The following ZNF782 variants were observed in gnomAD, a reference collection of about 807,000 sequenced individuals.
The protein encoded by ZNF782 is zinc finger protein 782.
A neutral mutation model predicts 13.0 loss-of-function variants in ZNF782; 12 were observed. The observed-to-expected ratio is 0.92, with a 90% CI of 0.59 to 1.50. The LOEUF is 1.50. ZNF782 is among the 40% of genes most tolerant of loss of function. ZNF782 has a pLI of 0.00. For missense variants in ZNF782, 770 were observed against 822.9 expected (o/e 0.94, Z 0.79); for synonymous variants, 284 against 283.0 (o/e 1.00, Z -0.04).
At chr9:96,922,831 A>G in the ZNF782 span, among the ~76,000 whole-genome samples, 1 of 151,894 alleles carries the variant, frequency 6.6e-6, no homozygotes, top group African/African-American at 2.4e-5. Flanking sequence ...CCACATGACA[A>G]AAGACATTAC....
chr9:96,825,624 AC>A (rs1183054624), intron 5 of ZNF782, among the ~76,000 whole-genome samples: 3 of 151,988 alleles, frequency 2.0e-5, no homozygotes, highest in Non-Finnish European at 2.9e-5. Flanking sequence ...CAGACAACCT[AC>A]AAAATGGGAG....
chr9:96,853,209 T>C (rs1482380143), intron 1 of ZNF782, 140 bp from the exon 2 acceptor site: 1 of 152,612 alleles, frequency 6.6e-6, no homozygotes, highest in African/African-American at 2.4e-5. Flanking sequence ...CTAGCCCATT[T>C]TGCTCTTCTC....
At chr9:96,861,059 A>C (rs4259519) in intron 2 of ZNF782, among the ~76,000 whole-genome samples, 29,979 of 152,140 alleles carry the variant, frequency 0.2, 7,397 homozygotes, top group African/African-American at 0.57. Context: ...CCAGCCTGGG[A>C]AACACAGTGA....
At chr9:96,920,975 C>T in the ZNF782 span, among the ~76,000 whole-genome samples, 1 of 144,194 alleles carries the variant, frequency 6.9e-6, no homozygotes, top group Non-Finnish European at 1.5e-5. Flanking sequence ...AATACGACCT[C>T]ATCATTTCTG....
chr9:96,917,501 G>A, the ZNF782 span, among the ~76,000 whole-genome samples: 1 of 151,382 alleles, frequency 6.6e-6, no homozygotes, highest in Admixed American at 6.6e-5. Flanking sequence ...GTGCAATCTC[G>A]GCTCACTGCA....
chr9:96,868,452 A>G (rs1285108281), intron 1 of ZNF782, among the ~76,000 whole-genome samples: 1 of 152,230 alleles, frequency 6.6e-6, no homozygotes, highest in East Asian at 1.9e-4. Context: ...TCTTGTCTTC[A>G]TGTGGAACTG....
intron 4 of ZNF782, among the ~76,000 whole-genome samples, chr9:96,837,556 T>C (rs554210734): frequency 1.3e-5 from 2 of 152,198 alleles, no homozygotes; most frequent in Non-Finnish European, 2.9e-5. Flanking sequence ...CTACTATTGT[T>C]TCCTTTTGCT....
At chr9:96,826,528 C>T (rs1850626953) in intron 5 of ZNF782, among the ~76,000 whole-genome samples, 1 of 151,844 alleles carries the variant, frequency 6.6e-6, no homozygotes, top group South Asian at 2.1e-4. Context: ...TGCACATGTA[C>T]CCTAAAACTT....
At chr9:96,866,764 C>T (rs538354660) in intron 1 of ZNF782, among the ~76,000 whole-genome samples, 1 of 152,308 alleles carries the variant, frequency 6.6e-6, no homozygotes, top group East Asian at 1.9e-4. Context: ...CAGAGCTGCC[C>T]AAACCATGGG....
At chr9:96,856,683 A>C (rs1300860647), upstream of ZNF782, among the ~76,000 whole-genome samples, 5 of 152,106 alleles carry the variant, frequency 3.3e-5, no homozygotes, top group African/African-American at 1.2e-4. Flanking sequence ...AGGTTTGCCC[A>C]GTTCTTTGTA....
At chr9:96,863,899 A>G (rs925081122) in intron 1 of ZNF782, among the ~76,000 whole-genome samples, 2 of 152,046 alleles carry the variant, frequency 1.3e-5, no homozygotes, top group African/African-American at 4.8e-5. Flanking sequence ...AAGATTACAT[A>G]TTGGGTACAG....
rs1330326462 is a variant in ZNF782, at chr9:96,817,927, T to G, written c.2096A>C (p.Asp699Ala). The G allele has an allele frequency of 1.3e-6, 2 of 1,553,842 alleles. No homozygotes were observed. The highest frequency in any genetic ancestry group is 2.8e-5 in the African/African-American group (2 of 72,238). ...GTATTCTTTATATGCATACATTTAA[T>G]CCCCTGGGTGGGCTTTCTGATGTTC... is the stretch of plus-strand genomic sequence containing the variant. ...LREHQKAHPG[D>A] The change falls in exon 6 of 6, where the codon GAT becomes GCT. Residue 699 changes from aspartate to alanine, a missense_variant. Physicochemically the swap from Asp to Ala is moderately radical, Grantham distance 126. Coordinates refer to ENST00000481138, the MANE Select transcript of ZNF782 (RefSeq NM_001001662.3).
upstream of ZNF782, among the ~76,000 whole-genome samples, chr9:96,856,668 C>A (rs1851646342): frequency 6.6e-6 from 1 of 152,166 alleles, no homozygotes; most frequent in South Asian, 2.1e-4. Context: ...TCTGGCCTTC[C>A]AAGAAGGTTT....
intron 3 of ZNF782, among the ~76,000 whole-genome samples, chr9:96,860,030 C>T (rs2118857050): frequency 6.6e-6 from 1 of 152,240 alleles, no homozygotes; most frequent in South Asian, 2.1e-4. Context: ...GAACAGACTA[C>T]CCTGCCTGGG....
chr9:96,827,021 T>G, intron 5 of ZNF782, 59 bp downstream of exon 5: 1 of 1,100,612 alleles, frequency 9.1e-7, no homozygotes, highest in Admixed American at 2.1e-5. Context: ...ATACGCTGAG[T>G]TGTGTGAGTA....
rs565192199 is a variant in ZNF782, at chr9:96,844,342, G to A, written c.142+548C>T. ...AAAGCACCAACTGGGAAAAAATTCC[G>A]TATGTTGACCAACTGATAAAGGATA... is the stretch of plus-strand genomic sequence containing the variant. On this transcript the variant is annotated intron_variant, in intron 4 of 5. Coordinates refer to ENST00000481138, the MANE Select transcript of ZNF782 (RefSeq NM_001001662.3). Among the ~76,000 whole-genome samples, 11 of 152,244 alleles carry A rather than the reference G, an allele frequency of 7.2e-5. No homozygotes were observed. The East Asian group carries it at 2.1e-3, about 29-fold the overall frequency.
chr9:96,931,406 C>A, the ZNF782 span, among the ~76,000 whole-genome samples: 1 of 152,068 alleles, frequency 6.6e-6, no homozygotes, highest in Non-Finnish European at 1.5e-5. Flanking sequence ...CATCCCTGAC[C>A]CACGGCTTGG....
the ZNF782 span, among the ~76,000 whole-genome samples, chr9:96,903,442 T>C: frequency 6.6e-6 from 1 of 151,462 alleles, no homozygotes; most frequent in Non-Finnish European, 1.5e-5. Context: ...CATTTACCAG[T>C]GGGAGAAGTT....
At chr9:96,833,536 G>T (rs1038936719) in intron 4 of ZNF782, among the ~76,000 whole-genome samples, 6 of 152,180 alleles carry the variant, frequency 3.9e-5, no homozygotes, top group Non-Finnish European at 7.3e-5. Context: ...GACCACAGAG[G>T]TAAAGTGTCT....
Sources: allele counts gnomAD v4.1 joint callset (sites outside exome capture counted in the v4.1 genomes callset), GRCh38; gene constraint gnomAD v4.1.1; transcripts MANE v1.5; gene names NCBI Gene and HGNC (gene_info 2026-07-23, HGNC 2026-07-21).